Variants in OSGIN2 observed in about 807,000 individuals in gnomAD.
OSGIN2 encodes the protein oxidative stress-induced growth inhibitor 2.
A neutral mutation model predicts 53.8 loss-of-function variants in OSGIN2; 19 were observed. That is an observed-to-expected ratio of 0.35 (90% CI 0.25 to 0.52). OSGIN2 has a LOEUF of 0.52. Among genes scored for constraint, OSGIN2 ranks in the 20% least tolerant of loss-of-function variants. The pLI, the probability that OSGIN2 is intolerant of heterozygous loss-of-function variation, is 0.95. For missense variants in OSGIN2, 520 were observed against 662.7 expected, an observed-to-expected ratio of 0.78 and a Z score of 2.36; for synonymous variants, 236 against 236.0, an observed-to-expected ratio of 1.00 and a Z score of 0.00.
At chr8:89,902,946 C>T (rs1808755776) in intron 1 of OSGIN2, 109 bp downstream of exon 1, 1 of 667,760 alleles carries the variant, frequency 1.5e-6, no homozygotes, top group Non-Finnish European at 2.1e-6. Context: ...GCCTGGACCG[C>T]AGCGTCCTCC....
At position 89,927,571 on chromosome 8, in the gene OSGIN2, A is replaced by G. The variant is rs1000546438; in HGVS notation, c.*2039A>G. 1 of 152,232 alleles carries G rather than the reference A, an allele frequency of 6.6e-6. No homozygotes were observed. The highest frequency in any genetic ancestry group is 2.4e-5 in the African/African-American group (1 of 41,464). 9.4% of individuals were successfully genotyped at this position (152,232 alleles called of 1,614,324 possible). On this transcript the variant is annotated 3_prime_UTR_variant, in exon 6 of 6. Transcript: ENST00000451899. ...AATCACTAAATACTTGTCTAGTTATAGCATGATGTGAGCATCTCCTCCTTA... is the reference window on the plus strand; with the variant it reads ...AATCACTAAATACTTGTCTAGTTATGGCATGATGTGAGCATCTCCTCCTTA...
intron 1 of OSGIN2, among the ~76,000 whole-genome samples, chr8:89,905,916 TAAC>T (rs754184134): frequency 1.4e-4 from 21 of 152,148 alleles, no homozygotes; most frequent in Non-Finnish European, 2.8e-4. Flanking sequence ...AAAATGAAAT[TAAC>T]AAAGGTATTT....
At chr8:89,908,999 A>G (rs1039872383) in intron 1 of OSGIN2, among the ~76,000 whole-genome samples, 1 of 122,052 alleles carries the variant, frequency 8.2e-6, no homozygotes, top group African/African-American at 3.3e-5. Context: ...TGACAGAGCA[A>G]GACCTTGTTT....
intron 1 of OSGIN2, among the ~76,000 whole-genome samples, chr8:89,905,421 A>G (rs1269801290): frequency 2.6e-5 from 4 of 152,230 alleles, no homozygotes; most frequent in Admixed American, 2.6e-4. Context: ...ACAAATATCA[A>G]ATTGGAAATC....
At chr8:89,915,624 AGT>A (rs1809061887) in intron 4 of OSGIN2, among the ~76,000 whole-genome samples, 1 of 152,236 alleles carries the variant, frequency 6.6e-6, no homozygotes, top group East Asian at 1.9e-4. Flanking sequence ...GTGTGTAGTG[AGT>A]GTTCATTTGT....
intron 2 of OSGIN2, 73 bp from the exon 3 acceptor site, chr8:89,914,004 A>G (rs1473904173): frequency 3.2e-5 from 41 of 1,296,478 alleles, no homozygotes; most frequent in Admixed American, 8.7e-5. Context: ...CCATCTTCAA[A>G]GTAGGACAAA....
At chr8:89,921,459 A>C (rs1809202713) in intron 5 of OSGIN2, 1 of 283,002 alleles carries the variant, frequency 3.5e-6, no homozygotes, top group East Asian at 6.6e-5. Flanking sequence ...TTACTTTCTC[A>C]TCCATCCATA....
Position 89,924,769 on chromosome 8 carries a change from G to A in OSGIN2, c.887G>A (p.Cys296Tyr). The A allele has an allele frequency of 6.2e-7, 1 of 1,614,200 alleles. No individual in the cohort carries two copies. Among genetic ancestry groups the A allele is most frequent in the Non-Finnish European group, 8.5e-7 (1 of 1,180,020 alleles). The change falls in exon 6 of 6, where the codon TGC (cysteine) becomes TAC (tyrosine). Residue 296 changes from cysteine (C) to tyrosine (Y), a missense_variant. Physicochemically the swap from Cys to Tyr is radical, Grantham distance 194 (BLOSUM62 -2). This residue lies in a region of OSGIN2 where 239 missense variants were observed against 328.3 expected (regional missense o/e 0.73). Transcript: ENST00000451899. Reference sequence around the variant, plus strand: ...GCTGATGGTTCTCATGTTCCCTTCTGCCTCTTTGCTGAGAATGTAGCGCTG... The same window carrying A: ...GCTGATGGTTCTCATGTTCCCTTCTACCTCTTTGCTGAGAATGTAGCGCTG... ...RIADGSHVPF[C>Y]LFAENVALAT...
intron 5 of OSGIN2, 191 bp downstream of exon 5, chr8:89,921,362 A>G: frequency 2.1e-6 from 1 of 467,870 alleles, no homozygotes; most frequent in Admixed American, 3.9e-5. Context: ...CTAAGCACAG[A>G]GCTAAGGGAT....
chr8:89,913,318 G>A (rs2284135), intron 2 of OSGIN2, among the ~76,000 whole-genome samples: 5,380 of 152,266 alleles, frequency 0.035, 228 homozygotes, highest in East Asian at 0.17. Context: ...AGGAGTGAGG[G>A]AAGACAGCCG....
intron 5 of OSGIN2, among the ~76,000 whole-genome samples, chr8:89,922,990 A>G (rs1264614330): frequency 6.6e-6 from 1 of 152,134 alleles, no homozygotes; most frequent in African/African-American, 2.4e-5. Context: ...AAGATTTAAA[A>G]TGGTATACCT....
At position 89,902,720 on chromosome 8, in the gene OSGIN2, G is replaced by A. The variant is rs147041364; in HGVS notation, c.-74G>A. The A allele has an allele frequency of 3.6e-6, 3 of 842,674 alleles. No homozygotes were observed. The highest frequency in any genetic ancestry group is 3.0e-6 in the Non-Finnish European group (2 of 674,872). The allele number at this position is 842,674 out of a possible 1,614,324, so 52.2% of individuals were successfully genotyped here. A position where few individuals can be genotyped will look rare whatever the true frequency, so the allele number is the denominator to read the frequency against. On this transcript the variant is annotated 5_prime_UTR_variant, in exon 1 of 6. Transcript: ENST00000451899. ...GCGACCCCGAGCCAGCGGGCGCCCC[G>A]AGCGGGCAGCCTCGCCGGGGGAGGC...
chr8:89,914,021 G>A (rs1809024483), intron 2 of OSGIN2, 56 bp from the exon 3 acceptor site: 1 of 1,482,960 alleles, frequency 6.7e-7, no homozygotes, highest in East Asian at 2.3e-5. Context: ...CAAAAGCCAA[G>A]GAACAAGAGT....
intron 4 of OSGIN2, among the ~76,000 whole-genome samples, chr8:89,917,784 T>C (rs1809112421): frequency 6.6e-6 from 1 of 152,172 alleles, no homozygotes; most frequent in Non-Finnish European, 1.5e-5. Context: ...TCTTTTTTTT[T>C]AATCCCCTGT....
chr8:89,909,037 A>AATATATATATATATAT (rs1252373741), intron 1 of OSGIN2, among the ~76,000 whole-genome samples: 3 of 84,870 alleles, frequency 3.5e-5, no homozygotes, highest in African/African-American at 1.4e-4. Context: ...AAAAAAAAAA[A>AATATATATATATATAT]ATATATATAT....
chr8:89,903,468 T>A (rs1806867362), intron 1 of OSGIN2, among the ~76,000 whole-genome samples: 1 of 152,238 alleles, frequency 6.6e-6, no homozygotes, highest in South Asian at 2.1e-4. Flanking sequence ...GACCAGACAC[T>A]AGAAACTGAT....
Position 89,925,240 on chromosome 8 carries a change from C to A in OSGIN2, c.1358C>A (p.Ala453Glu). 6.2e-7 allele frequency: 1 copy of A among 1,614,104 alleles called. No individual in the cohort carries two copies. The highest frequency in any genetic ancestry group is 8.5e-7 in the Non-Finnish European group (1 of 1,180,004). Residue 453 changes from alanine (A) to glutamate (E), a missense_variant, in exon 6 of 6, where the codon GCA (alanine) becomes GAA (glutamate). Around this residue, in one of 3 missense-constraint regions of OSGIN2, gnomAD observed 239 missense variants for 328.3 expected, o/e 0.73. Transcript: ENST00000451899. Reference protein sequence around the residue: ...GLKKIFKLSAAVVLIGSHPNL... With the variant: ...GLKKIFKLSAEVVLIGSHPNL... Reference sequence around the variant, plus strand: ...AAGAAAATATTTAAGCTGTCTGCAGCAGTAGTATTGATAGGTTCTCATCCT... The same window carrying A: ...AAGAAAATATTTAAGCTGTCTGCAGAAGTAGTATTGATAGGTTCTCATCCT...
At chr8:89,922,707 T>G (rs902557406) in intron 5 of OSGIN2, among the ~76,000 whole-genome samples, 3 of 152,178 alleles carry the variant, frequency 2.0e-5, no homozygotes, top group Non-Finnish European at 4.4e-5. Flanking sequence ...AAAATGGAGA[T>G]GATAATACAG....
intron 5 of OSGIN2, 50 bp downstream of exon 5, chr8:89,921,221 ATG>A: frequency 9.3e-7 from 1 of 1,070,828 alleles, no homozygotes; most frequent in Non-Finnish European, 1.4e-6. Context: ...GAAAAAGAGA[ATG>A]TGGAAAAATT....
Sources: gnomAD v4.1 joint callset for allele counts (sites outside exome capture counted in the v4.1 genomes callset) on GRCh38, gnomAD v4.1.1 for gene constraint, gnomAD v4.1.1 regional missense constraint, MANE v1.5 for transcripts, NCBI Gene and HGNC (gene_info 2026-07-23, HGNC 2026-07-21) for gene names.